The following ASIC2 variants were observed in gnomAD, a reference collection of about 807,000 sequenced individuals.
ASIC2 encodes acid-sensing ion channel 2.
In ASIC2, 25 loss-of-function variants were observed where a neutral mutation model predicts 57.3. The observed-to-expected ratio is 0.44, with a 90% CI of 0.32 to 0.61. The LOEUF (loss-of-function observed/expected upper bound fraction) is 0.61, where lower values mean the gene tolerates loss of function less well. Ranked by LOEUF, ASIC2 falls within the 20% of genes least tolerant of loss-of-function variation. ASIC2 has a pLI of 0.06. For missense variants in ASIC2, 641 were observed against 738.1 expected, an observed-to-expected ratio of 0.87 and a Z score of 1.52; for synonymous variants, 319 against 307.5, an observed-to-expected ratio of 1.04 and a Z score of -0.39.
At chr17:33,512,607 G>A (rs935797947) in intron 1 of ASIC2, among the ~76,000 whole-genome samples, 1 of 152,058 alleles carries the variant, frequency 6.6e-6, no homozygotes, top group Non-Finnish European at 1.5e-5. Context: ...AAAGAGACCA[G>A]GGAAAAGACC....
intron 1 of ASIC2, among the ~76,000 whole-genome samples, chr17:33,517,424 C>A (rs1184443898): frequency 2.6e-5 from 4 of 152,176 alleles, no homozygotes; most frequent in Non-Finnish European, 2.9e-5. Flanking sequence ...CCTTTTGCTG[C>A]GTATTAAATT....
At chr17:33,031,050 T>G (rs1319259633) in intron 3 of ASIC2, among the ~76,000 whole-genome samples, 2 of 152,174 alleles carry the variant, frequency 1.3e-5, no homozygotes, top group African/African-American at 4.8e-5. Flanking sequence ...TGTTTCCTCT[T>G]TCTCAATTTT....
chr17:33,550,712 T>G (rs1915726984), intron 1 of ASIC2, among the ~76,000 whole-genome samples: 1 of 152,128 alleles, frequency 6.6e-6, no homozygotes, highest in Non-Finnish European at 1.5e-5. Context: ...GAGCCCAGAG[T>G]GGAGAAAACA....
intron 1 of ASIC2, among the ~76,000 whole-genome samples, chr17:33,368,126 C>T (rs1296162455): frequency 6.6e-6 from 1 of 152,180 alleles, no homozygotes; most frequent in East Asian, 1.9e-4. Context: ...CTTCTTGAAC[C>T]CAGTGGACCA....
At chr17:33,432,893 C>A (rs912215192) in intron 1 of ASIC2, among the ~76,000 whole-genome samples, 7 of 152,208 alleles carry the variant, frequency 4.6e-5, no homozygotes, top group Middle Eastern at 6.8e-3. Flanking sequence ...GATAAGAAGT[C>A]AAAAAATAAC....
chr17:33,210,635 C>G (rs548966409), intron 1 of ASIC2, among the ~76,000 whole-genome samples: 1 of 152,304 alleles, frequency 6.6e-6, no homozygotes, highest in South Asian at 2.1e-4. Context: ...AATTTCAAGT[C>G]CTGGCTGAGT....
chr17:33,217,343 G>A (rs1297445472), intron 1 of ASIC2, among the ~76,000 whole-genome samples: 1 of 152,170 alleles, frequency 6.6e-6, no homozygotes, highest in Non-Finnish European at 1.5e-5. Flanking sequence ...TCCCTCAAAA[G>A]GCAAAGAGAA....
intron 1 of ASIC2, among the ~76,000 whole-genome samples, chr17:34,040,057 C>A (rs1431022217): frequency 1.4e-5 from 2 of 145,210 alleles, no homozygotes; most frequent in Non-Finnish European, 3.0e-5. Context: ...AGAGGGCGGG[C>A]GGGGGAGGGG....
intron 1 of ASIC2, among the ~76,000 whole-genome samples, chr17:34,125,552 C>T (rs1329469570): frequency 6.6e-6 from 1 of 152,022 alleles, no homozygotes; most frequent in Non-Finnish European, 1.5e-5. Context: ...TAGACTGAAA[C>T]GATACCCAAA....
chr17:33,539,893 C>T (rs924027755), intron 1 of ASIC2, among the ~76,000 whole-genome samples: 1 of 152,168 alleles, frequency 6.6e-6, no homozygotes, highest in Non-Finnish European at 1.5e-5. Flanking sequence ...AAGGTGCTAT[C>T]CAGGCTGAGG....
At chr17:33,997,516 C>T (rs946073348) in intron 1 of ASIC2, among the ~76,000 whole-genome samples, 6 of 151,776 alleles carry the variant, frequency 4.0e-5, no homozygotes, top group African/African-American at 1.5e-4. Context: ...GTGGGCTTCT[C>T]ATATATGGTG....
chr17:33,904,239 T>C lies in ASIC2; in HGVS notation c.555+251739A>G, dbSNP rs112523484. Among the ~76,000 whole-genome samples, 172 of 150,332 alleles carry C rather than the reference T, an allele frequency of 1.1e-3. 1 individual carries two copies. Among genetic ancestry groups the C allele is most frequent in the African/African-American group, 4.0e-3 (163 of 40,842 alleles). ...GATGGAGAGCCTTGCTACTCAAGTG[T>C]GATCCCAGGCAAGCAGCATCAGCAT... On this transcript the variant is annotated intron_variant, in intron 1 of 9. Coordinates refer to the ASIC2 transcript ENST00000359872.
intron 1 of ASIC2, chr17:34,080,766 G>A (rs1909847661): frequency 6.6e-6 from 1 of 152,226 alleles, no homozygotes; most frequent in Non-Finnish European, 1.5e-5. Flanking sequence ...GAGCAATCAA[G>A]ACAGTCCTGC....
At position 33,592,921 on chromosome 17, in the gene ASIC2, C is replaced by G. The variant is rs371629666; in HGVS notation, c.556-480854G>C. 2.8e-4 allele frequency among the ~76,000 whole-genome samples: 43 copies of G among 152,292 alleles called. No individual in the cohort carries two copies. In the South Asian group the frequency reaches 8.7e-3, roughly 31 times the overall value. ...TTCCATTCTGCTGTGCTCTGGTGTT[C>G]TCATTATCTGTAGCAGAAGTTTTAT... On this transcript the variant is annotated intron_variant, in intron 1 of 9. Coordinates refer to the ASIC2 transcript ENST00000359872.
intron 1 of ASIC2, among the ~76,000 whole-genome samples, chr17:33,514,047 C>T (rs1030208038): frequency 2.0e-5 from 3 of 152,210 alleles, no homozygotes; most frequent in Non-Finnish European, 2.9e-5. Context: ...TCGTGTACCT[C>T]GTGGGTAGAC....
intron 1 of ASIC2, among the ~76,000 whole-genome samples, chr17:33,307,248 T>G (rs770902734): frequency 8.6e-5 from 13 of 151,268 alleles, no homozygotes; most frequent in Non-Finnish European, 1.8e-4. Context: ...TTCTTCTTCC[T>G]CCTCCTCCTT....
At chr17:33,640,951 C>A (rs1906543805) in intron 1 of ASIC2, among the ~76,000 whole-genome samples, 1 of 152,116 alleles carries the variant, frequency 6.6e-6, no homozygotes, top group African/African-American at 2.4e-5. Context: ...TGAGTCCCTA[C>A]CTTGGAAAAA....
intron 1 of ASIC2, among the ~76,000 whole-genome samples, chr17:33,190,340 T>C (rs1356850436): frequency 2.6e-5 from 4 of 152,174 alleles, no homozygotes; most frequent in African/African-American, 7.2e-5. Context: ...ACAAAATATT[T>C]GTAGAGTCAT....
chr17:33,083,575 G>A (rs1191034416), intron 3 of ASIC2, among the ~76,000 whole-genome samples: 2 of 152,164 alleles, frequency 1.3e-5, no homozygotes, highest in Non-Finnish European at 2.9e-5. Flanking sequence ...CTTCTTAAAG[G>A]CCATGACCTT....
Sources: allele counts gnomAD v4.1 joint callset (sites outside exome capture counted in the v4.1 genomes callset), GRCh38; gene constraint gnomAD v4.1.1; transcripts MANE v1.5; gene names NCBI Gene and HGNC (gene_info 2026-07-23, HGNC 2026-07-21).